CSMD1: variants seen among roughly 807,000 people sequenced by gnomAD.
The protein encoded by CSMD1 is CUB and sushi domain-containing protein 1.
CSMD1 carries 213 observed loss-of-function variants against 417.5 expected under a neutral mutation model. The ratio of observed to expected loss-of-function variants is 0.51; its 90% CI spans 0.46 to 0.57. The LOEUF (loss-of-function observed/expected upper bound fraction) is 0.57, where lower values mean the gene tolerates loss of function less well. CSMD1 is among the 20% of genes least tolerant of loss of function. The probability of loss-of-function intolerance (pLI) is 0.00; values close to 1 mark genes in which losing one functional copy is unlikely to be tolerated. For missense variants in CSMD1, 6,923 were observed against 4,529.7 expected (o/e 1.53, Z -15.17); for synonymous variants, 2,862 against 1,736.8 (o/e 1.65, Z -16.11).
chr8:4,973,374 G>C (rs1810357024), intron 1 of CSMD1, among the ~76,000 whole-genome samples: 1 of 152,090 alleles, frequency 6.6e-6, no homozygotes, highest in Non-Finnish European at 1.5e-5. Flanking sequence ...AGTGATTTTT[G>C]TGAAATTTAC....
chr8:4,824,185 G>T (rs527583896), intron 1 of CSMD1, among the ~76,000 whole-genome samples: 2 of 151,950 alleles, frequency 1.3e-5, no homozygotes, highest in Non-Finnish European at 2.9e-5. Context: ...GGACAAAGTA[G>T]TTTAATTCAT....
Position 4,992,641 on chromosome 8 carries a change from C to T in CSMD1, c.85+1691G>A, listed in dbSNP as rs541925081. 2.0e-5 allele frequency among the ~76,000 whole-genome samples: 3 copies of T among 152,350 alleles called. No homozygotes were observed. In the East Asian group the frequency reaches 5.8e-4, roughly 29 times the overall value. Reference sequence around the variant, plus strand: ...CTCACAGGGCACAACCCTCTTTTCCCTAGACTTTAGCTGCCTCGCCTTCCA... The same window carrying T: ...CTCACAGGGCACAACCCTCTTTTCCTTAGACTTTAGCTGCCTCGCCTTCCA... On this transcript the variant is annotated intron_variant, in intron 1 of 69. Coordinates refer to ENST00000635120, the MANE Select transcript of CSMD1 (RefSeq NM_033225.6).
chr8:3,369,571 A>C (rs1809818252), intron 18 of CSMD1, among the ~76,000 whole-genome samples: 1 of 152,208 alleles, frequency 6.6e-6, no homozygotes, highest in African/African-American at 2.4e-5. Flanking sequence ...TAACCACTAC[A>C]AAACCTTGAC....
intron 5 of CSMD1, among the ~76,000 whole-genome samples, chr8:3,943,744 C>G (rs1363984226): frequency 6.6e-6 from 1 of 151,984 alleles, no homozygotes; most frequent in Non-Finnish European, 1.5e-5. Context: ...TCACCTGAAT[C>G]TAATCACAAA....
intron 3 of CSMD1, among the ~76,000 whole-genome samples, chr8:4,389,504 A>G (rs1803701453): frequency 6.6e-6 from 1 of 152,204 alleles, no homozygotes; most frequent in Non-Finnish European, 1.5e-5. Flanking sequence ...AGAAAAATAC[A>G]AAGGATAATA....
intron 10 of CSMD1, among the ~76,000 whole-genome samples, chr8:3,518,903 T>C (rs770509442): frequency 2.0e-5 from 3 of 152,202 alleles, no homozygotes; most frequent in Non-Finnish European, 4.4e-5. Context: ...AAGACACTTA[T>C]CCTGAGAGCT....
At chr8:4,049,713 C>G (rs1158325645) in intron 3 of CSMD1, among the ~76,000 whole-genome samples, 1 of 152,100 alleles carries the variant, frequency 6.6e-6, no homozygotes, top group Non-Finnish European at 1.5e-5. Context: ...CAAATTTAGA[C>G]TACTTTAAAA....
At chr8:4,692,432 G>C (rs538812753) in intron 1 of CSMD1, among the ~76,000 whole-genome samples, 3 of 152,320 alleles carry the variant, frequency 2.0e-5, no homozygotes, top group African/African-American at 4.8e-5. Context: ...GATTTTTAAA[G>C]AGTAGACCGT....
At chr8:3,143,144 C>T (rs375591193) in intron 40 of CSMD1, among the ~76,000 whole-genome samples, 3 of 152,144 alleles carry the variant, frequency 2.0e-5, no homozygotes, top group African/African-American at 7.2e-5. Flanking sequence ...AAACATGCCA[C>T]AGAGTTTTTT....
intron 5 of CSMD1, among the ~76,000 whole-genome samples, chr8:3,907,229 G>A (rs549559865): frequency 9.6e-4 from 146 of 152,250 alleles, no homozygotes; most frequent in Middle Eastern, 3.4e-3. Context: ...AAATTTCTTG[G>A]AAAAGTGGAA....
intron 65 of CSMD1, among the ~76,000 whole-genome samples, chr8:2,951,719 A>G (rs1802650045): frequency 6.6e-6 from 1 of 152,186 alleles, no homozygotes; most frequent in Non-Finnish European, 1.5e-5. Flanking sequence ...GATATATATA[A>G]TACGAGAGCA....
chr8:3,556,516 G>GCGCA (rs1342127511), intron 10 of CSMD1, among the ~76,000 whole-genome samples: 3 of 137,668 alleles, frequency 2.2e-5, no homozygotes, highest in South Asian at 2.3e-4. Flanking sequence ...TTTTTCACAC[G>GCGCA]CACACACACA....
intron 20 of CSMD1, 27 bp from the exon 21 acceptor site, chr8:3,359,367 G>C (rs777277279): frequency 6.3e-7 from 1 of 1,577,484 alleles, no homozygotes; most frequent in Admixed American, 1.7e-5. Context: ...CAGAGTAAAT[G>C]CATGAGGATT....
chr8:3,140,519 T>G (rs906460052), intron 41 of CSMD1, among the ~76,000 whole-genome samples: 14 of 152,204 alleles, frequency 9.2e-5, no homozygotes, highest in African/African-American at 3.4e-4. Context: ...GTCTCCAGTT[T>G]CCTCTCTTTT....
intron 5 of CSMD1, among the ~76,000 whole-genome samples, chr8:3,973,989 G>T (rs1017344522): frequency 4.6e-5 from 7 of 152,156 alleles, no homozygotes; most frequent in African/African-American, 1.7e-4. Flanking sequence ...CCATTGAGTT[G>T]CAAACAATGC....
chr8:4,062,797 G>C (rs903415439), intron 3 of CSMD1, among the ~76,000 whole-genome samples: 1 of 151,720 alleles, frequency 6.6e-6, no homozygotes, highest in African/African-American at 2.4e-5. Context: ...CCCAGTATCT[G>C]TCAGCATCAC....
At chr8:4,693,023 G>C (rs1009809074) in intron 1 of CSMD1, among the ~76,000 whole-genome samples, 1 of 152,140 alleles carries the variant, frequency 6.6e-6, no homozygotes, top group Non-Finnish European at 1.5e-5. Flanking sequence ...GTCAACTCCT[G>C]TCCAGAGGCC....
chr8:3,955,448 A>C (rs1264226844), intron 5 of CSMD1, among the ~76,000 whole-genome samples: 1 of 152,212 alleles, frequency 6.6e-6, no homozygotes, highest in Non-Finnish European at 1.5e-5. Flanking sequence ...GAATGAAAAA[A>C]TGTAGAAATA....
intron 5 of CSMD1, among the ~76,000 whole-genome samples, chr8:3,987,140 T>C (rs906531294): frequency 6.6e-6 from 1 of 152,158 alleles, no homozygotes; most frequent in Non-Finnish European, 1.5e-5. Context: ...ACACACAGCG[T>C]CTATCCGAGT....
Sources: allele counts gnomAD v4.1 joint callset (sites outside exome capture counted in the v4.1 genomes callset), GRCh38; gene constraint gnomAD v4.1.1; transcripts MANE v1.5; gene names NCBI Gene and HGNC (gene_info 2026-07-23, HGNC 2026-07-21).